Variants in SUGCT observed in about 807,000 individuals in gnomAD.
The protein encoded by SUGCT is succinyl-CoA:glutarate CoA-transferase.
A neutral mutation model predicts 55.0 loss-of-function variants in SUGCT; 41 were observed. The ratio of observed to expected loss-of-function variants is 0.74; its 90% CI spans 0.58 to 0.97. The LOEUF (loss-of-function observed/expected upper bound fraction) is 0.97. SUGCT is among the 50% of genes least tolerant of loss of function. The probability of loss-of-function intolerance (pLI) is 0.00; values close to 1 mark genes in which losing one functional copy is unlikely to be tolerated. For synonymous variants in SUGCT, 187 were observed against 200.4 expected (o/e 0.93, Z 0.56); for missense variants, 568 against 547.8 (o/e 1.04, Z -0.37).
At chr7:40,474,060 T>C (rs922438961) in intron 11 of SUGCT, among the ~76,000 whole-genome samples, 9 of 152,118 alleles carry the variant, frequency 5.9e-5, no homozygotes, top group African/African-American at 2.2e-4. Flanking sequence ...AAGCTGTAGT[T>C]TAGCTGGTAA....
At chr7:40,294,987 A>G (rs1794027169) in intron 8 of SUGCT, among the ~76,000 whole-genome samples, 1 of 152,330 alleles carries the variant, frequency 6.6e-6, no homozygotes, top group African/African-American at 2.4e-5. Flanking sequence ...AATTAACCAG[A>G]AACTGTGTTT....
At chr7:40,826,719 A>T (rs1792330582) in intron 13 of SUGCT, among the ~76,000 whole-genome samples, 1 of 152,196 alleles carries the variant, frequency 6.6e-6, no homozygotes, top group Non-Finnish European at 1.5e-5. Context: ...CCCACAGGGC[A>T]TCAGTCTTTG....
the SUGCT span, among the ~76,000 whole-genome samples, chr7:40,932,219 T>C: frequency 2.0e-5 from 3 of 152,332 alleles, no homozygotes; most frequent in South Asian, 6.2e-4. Flanking sequence ...TCAGTTTCCA[T>C]GTAGTTGTGT....
intron 12 of SUGCT, among the ~76,000 whole-genome samples, chr7:40,514,733 A>G (rs1390167993): frequency 6.6e-6 from 1 of 151,142 alleles, no homozygotes; most frequent in East Asian, 1.9e-4. Flanking sequence ...AAAAAAAAAA[A>G]AAAGGCAAGC....
chr7:40,609,349 G>C (rs998798209), intron 12 of SUGCT, among the ~76,000 whole-genome samples: 1 of 151,762 alleles, frequency 6.6e-6, no homozygotes, highest in Non-Finnish European at 1.5e-5. Context: ...GGCGGATCAC[G>C]AGGTCAGGAG....
At chr7:40,316,696 T>C in intron 8 of SUGCT, 64 bp from the exon 9 acceptor site, 1 of 1,056,834 alleles carries the variant, frequency 9.5e-7, no homozygotes, top group Non-Finnish European at 1.4e-6. Flanking sequence ...TAATATAACG[T>C]TCTCTTTATG....
At chr7:40,763,844 C>T (rs1788652481) in intron 13 of SUGCT, among the ~76,000 whole-genome samples, 1 of 152,138 alleles carries the variant, frequency 6.6e-6, no homozygotes, top group Admixed American at 6.5e-5. Context: ...GAAACGATTC[C>T]TCCTTTCTGA....
chr7:40,322,371 G>A (rs1196117654), intron 9 of SUGCT, among the ~76,000 whole-genome samples: 1 of 152,142 alleles, frequency 6.6e-6, no homozygotes, highest in African/African-American at 2.4e-5. Context: ...TGTGCCCACA[G>A]ATCTTTGGGT....
chr7:40,343,026 A>G (rs925304477), intron 9 of SUGCT, among the ~76,000 whole-genome samples: 1 of 152,174 alleles, frequency 6.6e-6, no homozygotes, highest in Non-Finnish European at 1.5e-5. Flanking sequence ...GACACATGGC[A>G]TATAAGAAGG....
At chr7:40,151,641 C>G (rs1347085428) in intron 1 of SUGCT, 1 of 226,904 alleles carries the variant, frequency 4.4e-6, no homozygotes, top group East Asian at 1.1e-4. Flanking sequence ...AAGCCACTAA[C>G]AGCTCCTAGT....
chr7:40,933,807 C>T, the SUGCT span, among the ~76,000 whole-genome samples: 4 of 152,156 alleles, frequency 2.6e-5, no homozygotes, highest in Admixed American at 2.6e-4. Flanking sequence ...GTCTTCTCTA[C>T]ACTGTTTATT....
At chr7:40,504,262 C>T (rs1792462023) in intron 12 of SUGCT, among the ~76,000 whole-genome samples, 1 of 152,040 alleles carries the variant, frequency 6.6e-6, no homozygotes, top group East Asian at 1.9e-4. Context: ...AACAAACAAA[C>T]AAACAAACAA....
intron 9 of SUGCT, among the ~76,000 whole-genome samples, chr7:40,351,953 A>T (rs1797656655): frequency 6.6e-6 from 1 of 152,240 alleles, no homozygotes; most frequent in South Asian, 2.1e-4. Context: ...TCCAGAAATT[A>T]ATATTTAATT....
At chr7:40,518,822 C>G (rs1397838479) in intron 12 of SUGCT, among the ~76,000 whole-genome samples, 1 of 151,802 alleles carries the variant, frequency 6.6e-6, no homozygotes, top group African/African-American at 2.4e-5. Flanking sequence ...AAAGTTAGAT[C>G]AAATTTCACA....
At chr7:40,507,729 G>A (rs564229492) in intron 12 of SUGCT, among the ~76,000 whole-genome samples, 1 of 152,158 alleles carries the variant, frequency 6.6e-6, no homozygotes, top group Non-Finnish European at 1.5e-5. Flanking sequence ...TGAGGCTACT[G>A]CGTTTTGGGT....
chr7:40,269,133 A>T (rs1169826612), intron 7 of SUGCT, among the ~76,000 whole-genome samples: 1 of 152,030 alleles, frequency 6.6e-6, no homozygotes, highest in East Asian at 1.9e-4. Context: ...TTTTTATGAT[A>T]GTCATCCTTG....
Position 40,580,806 on chromosome 7 carries a change from A to G in SUGCT, c.1089+84420A>G, listed in dbSNP as rs143535473. On this transcript the variant is annotated intron_variant, in intron 12 of 13. Transcript: ENST00000335693. ...TTAGATACACAAATACCATTTTGTT[A>G]CAATTGCCTACCGTATTCAGTACAG... 7.2e-4 allele frequency among the ~76,000 whole-genome samples: 110 copies of G among 152,324 alleles called. 1 individual carries two copies. The highest frequency in any genetic ancestry group is 1.5e-3 in the South Asian group (7 of 4,820).
intron 9 of SUGCT, among the ~76,000 whole-genome samples, chr7:40,431,725 C>T (rs548990201): frequency 2.3e-3 from 356 of 152,076 alleles, no homozygotes; most frequent in African/African-American, 8.4e-3. Flanking sequence ...CTTTAAAGGT[C>T]AGTTTGTATT....
the SUGCT span, among the ~76,000 whole-genome samples, chr7:40,874,830 A>T: frequency 6.6e-6 from 1 of 152,310 alleles, no homozygotes; most frequent in African/African-American, 2.4e-5. Context: ...CTGGAAGAAT[A>T]TATATTTATA....
Sources: gnomAD v4.1 joint callset for allele counts (sites outside exome capture counted in the v4.1 genomes callset) on GRCh38, gnomAD v4.1.1 for gene constraint, MANE v1.5 for transcripts, NCBI Gene and HGNC (gene_info 2026-07-23, HGNC 2026-07-21) for gene names.